Variants in DAZL observed in about 807,000 individuals in gnomAD.
The protein encoded by DAZL is deleted in azoospermia-like.
Under a neutral mutation model 45.0 loss-of-function variants are expected in DAZL, and 4 were observed. The observed-to-expected ratio is 0.09, with a 90% CI of 0.04 to 0.20. DAZL has a LOEUF of 0.20. Ranked by LOEUF, DAZL falls within the 10% of genes least tolerant of loss-of-function variation. The pLI, the probability that DAZL is intolerant of heterozygous loss-of-function variation, is 1.00. For missense variants in DAZL, 326 were observed against 351.3 expected, an observed-to-expected ratio of 0.93 and a Z score of 0.58; for synonymous variants, 122 against 112.4, an observed-to-expected ratio of 1.09 and a Z score of -0.54.
At chr3:16,595,794 T>C (rs1211746171) in intron 6 of DAZL, among the ~76,000 whole-genome samples, 1 of 152,104 alleles carries the variant, frequency 6.6e-6, no homozygotes. Context: ...TATAGGGTAA[T>C]ATGTAGTCCT....
At chr3:16,600,909 A>G (rs1356554633) in intron 1 of DAZL, among the ~76,000 whole-genome samples, 1 of 152,188 alleles carries the variant, frequency 6.6e-6, no homozygotes, top group Non-Finnish European at 1.5e-5. Context: ...GGCATTTAAC[A>G]ACGTTTAGAG....
intron 4 of DAZL, 122 bp from the exon 5 acceptor site, chr3:16,597,173 C>A (rs1052289604): frequency 8.3e-7 from 1 of 1,210,602 alleles, no homozygotes; most frequent in Admixed American, 2.3e-5. Flanking sequence ...TAACTACACA[C>A]CAAATTAAAA....
chr3:16,595,209 C>T, intron 7 of DAZL, 105 bp downstream of exon 7: 2 of 630,970 alleles, frequency 3.2e-6, no homozygotes, highest in South Asian at 5.5e-5. Flanking sequence ...ATTTTAGGTA[C>T]ATTTCACTAG....
chr3:16,591,573 A>G (rs1008053577), intron 10 of DAZL, among the ~76,000 whole-genome samples: 3 of 151,940 alleles, frequency 2.0e-5, no homozygotes, highest in African/African-American at 7.3e-5. Flanking sequence ...AGCTGGGACT[A>G]CAGGCGTGCA....
intron 6 of DAZL, 23 bp downstream of exon 6, chr3:16,596,727 T>C (rs755989469): frequency 1.2e-6 from 2 of 1,612,322 alleles, no homozygotes; most frequent in African/African-American, 1.3e-5. Flanking sequence ...AACAAGAGAA[T>C]AGGAACGTTA....
intron 4 of DAZL, 42 bp downstream of exon 4, chr3:16,597,448 G>T (rs756483007): frequency 2.5e-6 from 3 of 1,201,350 alleles, no homozygotes; most frequent in Non-Finnish European, 2.5e-6. Flanking sequence ...ACTAAACATT[G>T]TATCAATTAA....
In DAZL at chr3:16,588,620, A is replaced by C. The variant is rs564934198; in HGVS notation, c.*40T>G. ...TGGAAACCTTTTAGCTTAATATTCA[A>C]AACCAGCAACTTCCCATGTAACTAG... On this transcript the variant is annotated 3_prime_UTR_variant, in exon 11 of 11. Coordinates refer to ENST00000399444, the MANE Select transcript of DAZL (RefSeq NM_001351.4). 7.8e-6 allele frequency: 12 copies of C among 1,535,360 alleles called. No individual in the cohort carries two copies. In the African/African-American group the frequency reaches 1.6e-4, roughly 21 times the overall value.
At chr3:16,604,554 C>T (rs1287708014) in intron 1 of DAZL, 40 of 1,443,698 alleles carry the variant, frequency 2.8e-5, no homozygotes, top group Non-Finnish European at 3.4e-5. Flanking sequence ...GCACTTCCGG[C>T]CCAGCCCCCT....
At chr3:16,597,809 A>G (rs1367083729) in intron 3 of DAZL, among the ~76,000 whole-genome samples, 1 of 152,232 alleles carries the variant, frequency 6.6e-6, no homozygotes, top group African/African-American at 2.4e-5. Context: ...TTACTATCTA[A>G]GACAAGGTGG....
chr3:16,598,931 C>T (rs1426565799), intron 1 of DAZL, among the ~76,000 whole-genome samples: 1 of 151,806 alleles, frequency 6.6e-6, no homozygotes, highest in Non-Finnish European at 1.5e-5. Flanking sequence ...TTACATGCGC[C>T]CGACACCACG....
chr3:16,599,406 A>G (rs1220440372), intron 1 of DAZL, among the ~76,000 whole-genome samples: 1 of 152,158 alleles, frequency 6.6e-6, no homozygotes, highest in Non-Finnish European at 1.5e-5. Context: ...AATTAACATG[A>G]ATTTTTACAA....
intron 1 of DAZL, among the ~76,000 whole-genome samples, chr3:16,604,003 G>A (rs542039040): frequency 1.2e-3 from 190 of 152,212 alleles, no homozygotes; most frequent in African/African-American, 4.5e-3. Context: ...AAACAATTCG[G>A]ATTTAACTCT....
intron 9 of DAZL, among the ~76,000 whole-genome samples, chr3:16,593,336 T>C (rs1183892763): frequency 6.6e-6 from 1 of 152,184 alleles, no homozygotes; most frequent in Non-Finnish European, 1.5e-5. Context: ...CTGCTGAATA[T>C]TAGTCAATTA....
intron 9 of DAZL, among the ~76,000 whole-genome samples, chr3:16,592,560 C>T (rs909678592): frequency 1.5e-5 from 2 of 131,968 alleles, no homozygotes; most frequent in African/African-American, 5.7e-5. Context: ...CACAGCGAGA[C>T]TCTGTCTTGG....
chr3:16,605,172 C>T (rs1015878439), intron 1 of DAZL, 31 bp downstream of exon 1: 1 of 1,614,122 alleles, frequency 6.2e-7, no homozygotes, highest in Non-Finnish European at 8.5e-7. Context: ...ACTCCGCCAG[C>T]CTTGCCCCTC....
intron 1 of DAZL, among the ~76,000 whole-genome samples, chr3:16,602,959 AT>A (rs1259456538): frequency 6.6e-6 from 1 of 152,214 alleles, no homozygotes; most frequent in African/African-American, 2.4e-5. Context: ...ACAAATAAAA[AT>A]AAAAAGGAAG....
chr3:16,597,072 A>G, intron 4 of DAZL, 21 bp from the exon 5 acceptor site: 2 of 1,605,530 alleles, frequency 1.2e-6, no homozygotes, highest in Non-Finnish European at 8.5e-7. Context: ...AACAGTAACA[A>G]AACTAGAATC....
rs781273551 is a variant in DAZL at position 16,598,192 on chromosome 3, T to G, written c.151-14A>C. ...AGTTTCATCCATCTATGGAAAAGAATTGAACTTCAAGAGTAAAAATTCAGC... is the reference window on the plus strand; with the variant it reads ...AGTTTCATCCATCTATGGAAAAGAAGTGAACTTCAAGAGTAAAAATTCAGC... On this transcript the variant is annotated splice_polypyrimidine_tract_variant and intron_variant, in intron 2 of 10. Coordinates refer to ENST00000399444, the MANE Select transcript of DAZL (RefSeq NM_001351.4). The G allele has an allele frequency of 6.4e-7, 1 of 1,572,478 alleles. No individual in the cohort carries two copies. Among genetic ancestry groups the G allele is most frequent in the East Asian group, 2.3e-5 (1 of 44,292 alleles).
At chr3:16,600,639 C>CA (rs1694676534) in intron 1 of DAZL, among the ~76,000 whole-genome samples, 1 of 152,148 alleles carries the variant, frequency 6.6e-6, no homozygotes, top group Admixed American at 6.5e-5. Context: ...TCAGAAATCC[C>CA]AAACAGAATA....
Sources: gnomAD v4.1 joint callset for allele counts (sites outside exome capture counted in the v4.1 genomes callset) on GRCh38, gnomAD v4.1.1 for gene constraint, MANE v1.5 for transcripts, NCBI Gene and HGNC (gene_info 2026-07-23, HGNC 2026-07-21) for gene names.